Variants in BRD9 observed in about 807,000 individuals in gnomAD.
BRD9 encodes bromodomain-containing protein 9.
BRD9 carries 47 observed loss-of-function variants against 68.7 expected under a neutral mutation model. The observed-to-expected ratio is 0.68, with a 90% CI of 0.54 to 0.87. The LOEUF (loss-of-function observed/expected upper bound fraction) is 0.87. BRD9 is among the 40% of genes least tolerant of loss of function. The probability of loss-of-function intolerance (pLI) is 0.00; values close to 1 mark genes in which losing one functional copy is unlikely to be tolerated. For missense variants in BRD9, 670 were observed against 748.4 expected (o/e 0.90, Z 1.22); for synonymous variants, 313 against 293.9 (o/e 1.06, Z -0.67).
intron 8 of BRD9, chr5:881,573 C>G (rs1751766823): frequency 3.2e-6 from 1 of 310,994 alleles, no homozygotes; most frequent in African/African-American, 2.2e-5. Flanking sequence ...AAAAACCCAC[C>G]ACCCACACCC....
Position 884,174 on chromosome 5 carries a change from G to A in BRD9, c.834-104C>T, listed in dbSNP as rs1173255799. ...CCAGCTTCTACCGACCCTGCCCTCA[G>A]ACACAGAGCTGGCAGAGCATACTTA... On this transcript the variant is annotated intron_variant, in intron 7 of 15. Transcript: ENST00000467963. 2.8e-6 allele frequency: 4 copies of A among 1,443,276 alleles called. No homozygotes were observed. In the African/African-American group the frequency reaches 4.2e-5, roughly 15 times the overall value. The allele number at this position is 1,443,276 out of a possible 1,614,324, so 89.4% of individuals were successfully genotyped here.
chr5:882,488 C>G, intron 8 of BRD9: 1 of 163,024 alleles, frequency 6.1e-6, no homozygotes, highest in South Asian at 1.4e-4. Context: ...CACAACCTCC[C>G]AACACGTGAG....
At chr5:890,433 C>T (rs1172883351) in intron 3 of BRD9, among the ~76,000 whole-genome samples, 1 of 152,160 alleles carries the variant, frequency 6.6e-6, no homozygotes, top group Non-Finnish European at 1.5e-5. Flanking sequence ...GAAGAGACAC[C>T]CCTTGTCTTA....
At position 889,623 on chromosome 5, in the gene BRD9, T is replaced by C. The variant is rs767506676; in HGVS notation, c.425A>G (p.Gln142Arg). ...GCGGAGGAAGTGTTCCAGGAGTTGC[T>C]GAATAGGTGTGCTCTCATTTTCGGC... is the stretch of plus-strand genomic sequence containing the variant. ...QPAENESTPI[Q>R]QLLEHFLRQL... Residue 142 changes from glutamine (Q) to arginine (R), a missense_variant, in exon 4 of 16, where the codon CAG becomes CGG. By Grantham distance (43) the Gln-to-Arg change is conservative. This residue lies in a region of BRD9 where 94 missense variants were observed against 157.2 expected (regional missense o/e 0.60). Coordinates refer to ENST00000467963, the MANE Select transcript of BRD9 (RefSeq NM_023924.5). 5 of 1,613,712 alleles carry C rather than the reference T, an allele frequency of 3.1e-6. No individual in the cohort carries two copies. The highest frequency in any genetic ancestry group is 1.7e-5 in the Admixed American group (1 of 60,000).
At chr5:869,113 G>T (rs952335591) in intron 14 of BRD9, 2 of 297,712 alleles carry the variant, frequency 6.7e-6, no homozygotes, top group Admixed American at 1.0e-4. Context: ...AGAAGTCAGG[G>T]AAACATCTGT....
At chr5:878,099 G>A (rs554386380) in intron 11 of BRD9, among the ~76,000 whole-genome samples, 8 of 152,326 alleles carry the variant, frequency 5.3e-5, no homozygotes, top group African/African-American at 1.9e-4. Flanking sequence ...ATACGATCCA[G>A]TGTGCTCAAC....
Position 891,763 on chromosome 5 carries a change from G to A in BRD9, c.144C>T (p.Asp48=), listed in dbSNP as rs959174596. The A allele has an allele frequency of 2.6e-6, 4 of 1,551,642 alleles. No homozygotes were observed. Among genetic ancestry groups the A allele is most frequent in the Non-Finnish European group, 3.5e-6 (4 of 1,146,994 alleles). Residue 48 remains aspartate (D), a synonymous_variant, in exon 2 of 16, where the codon GAC becomes GAT. Coordinates refer to ENST00000467963, the MANE Select transcript of BRD9 (RefSeq NM_023924.5). Reference sequence around the variant, plus strand: ...CTGACCTGTCATCATAGTAACTGGAGTCGTGGCCGGATCCTGAGAGTTCAG... The same window carrying A: ...CTGACCTGTCATCATAGTAACTGGAATCGTGGCCGGATCCTGAGAGTTCAG... The part of the protein sequence containing the change: ...EVTELSGSGH[D]SSYYDDRSDH...
chr5:881,609 G>C (rs1579971335), intron 8 of BRD9: 1 of 243,360 alleles, frequency 4.1e-6, no homozygotes, highest in African/African-American at 2.3e-5. Context: ...GCCATCAGGA[G>C]GATCCAGGAA....
intron 12 of BRD9, among the ~76,000 whole-genome samples, chr5:873,591 C>G (rs73733903): frequency 2.6e-5 from 4 of 152,118 alleles, no homozygotes; most frequent in Non-Finnish European, 4.4e-5. Flanking sequence ...GATCTACCCC[C>G]GCTTTACAAG....
chr5:877,636 G>A (rs768305050), intron 11 of BRD9, among the ~76,000 whole-genome samples: 5 of 152,126 alleles, frequency 3.3e-5, no homozygotes, highest in East Asian at 3.9e-4. Context: ...AACATTCTAC[G>A]GAAAAGCAGG....
intron 3 of BRD9, 101 bp from the exon 4 acceptor site, chr5:889,748 T>C (rs371769885): frequency 1.9e-6 from 3 of 1,562,364 alleles, no homozygotes; most frequent in African/African-American, 2.7e-5. Context: ...TCTCACAGCA[T>C]TTTAAGTTCC....
At chr5:885,335 G>A (rs1465169411) in intron 7 of BRD9, among the ~76,000 whole-genome samples, 1 of 152,228 alleles carries the variant, frequency 6.6e-6, no homozygotes, top group Non-Finnish European at 1.5e-5. Context: ...CAAGGCTGCA[G>A]GACCTGAGGG....
At chr5:874,492 G>A (rs1750615055) in intron 12 of BRD9, among the ~76,000 whole-genome samples, 1 of 152,216 alleles carries the variant, frequency 6.6e-6, no homozygotes, top group Non-Finnish European at 1.5e-5. Context: ...CATGTGGCCA[G>A]TGCTTTTTTA....
At chr5:867,105 T>C (rs911076224) in intron 14 of BRD9, among the ~76,000 whole-genome samples, 9 of 152,172 alleles carry the variant, frequency 5.9e-5, no homozygotes, top group African/African-American at 1.7e-4. Flanking sequence ...GTCCCAGCCA[T>C]GGCTAAAAGG....
chr5:867,199 G>A (rs1334220068), intron 14 of BRD9, among the ~76,000 whole-genome samples: 1 of 152,266 alleles, frequency 6.6e-6, no homozygotes, highest in Non-Finnish European at 1.5e-5. Context: ...TGTTGGGTAT[G>A]TGGGTAGGCA....
chr5:868,278 C>T (rs1358012409), intron 14 of BRD9, among the ~76,000 whole-genome samples: 4 of 152,234 alleles, frequency 2.6e-5, no homozygotes, highest in African/African-American at 4.8e-5. Flanking sequence ...CTCTTTCCTT[C>T]ACCAATGACC....
Position 887,404 on chromosome 5 carries a change from A to T in BRD9, c.674T>A (p.Leu225Ter), listed in dbSNP as rs1478171130. Residue 225 changes from leucine to a stop codon, truncating the protein, a stop_gained, in exon 6 of 16, where the codon TTG becomes TAG. Coordinates refer to ENST00000467963, the MANE Select transcript of BRD9 (RefSeq NM_023924.5). LOFTEE classifies it high-confidence loss of function. ...GCCTGCGTGAAGGATCTTCTTCGCCAACTTGTAGTACACGGTATCTGGCCT... is the reference window on the plus strand; with the variant it reads ...GCCTGCGTGAAGGATCTTCTTCGCCTACTTGTAGTACACGGTATCTGGCCT... ...YNRPDTVYYK[L>*]AKKILHAGFK... 6.2e-7 allele frequency: 1 copy of T among 1,614,144 alleles called. No homozygotes were observed. Among genetic ancestry groups the T allele is most frequent in the Non-Finnish European group, 8.5e-7 (1 of 1,180,000 alleles).
intron 14 of BRD9, 62 bp from the exon 15 acceptor site, chr5:865,643 C>A (rs1749283479): frequency 3.3e-6 from 5 of 1,504,318 alleles, no homozygotes; most frequent in Non-Finnish European, 4.5e-6. Context: ...ACCCTAAGGG[C>A]AGGAGCACAC....
At position 891,274 on chromosome 5, in the gene BRD9, C is replaced by CGCTTCTTCTCTTCCTGG; in HGVS notation, c.268-4_280dup (p.Arg94ProfsTer88). On this transcript the variant is annotated frameshift_variant, in exon 3 of 16. Transcript: ENST00000467963. LOFTEE classifies it high-confidence loss of function. ...GTCACAGTGCTCCCTCTCTCGCTTC[C>CGCTTCTTCTCTTCCTGG]GCTTCTTCTCTTCCTGGGCGGCAGA... is the stretch of plus-strand genomic sequence containing the variant. The CGCTTCTTCTCTTCCTGG allele has an allele frequency of 6.4e-7, 1 of 1,551,462 alleles. No homozygotes were observed. Among genetic ancestry groups the CGCTTCTTCTCTTCCTGG allele is most frequent in the Non-Finnish European group, 8.7e-7 (1 of 1,146,822 alleles).
Sources: allele counts gnomAD v4.1 joint callset (sites outside exome capture counted in the v4.1 genomes callset), GRCh38; gene constraint gnomAD v4.1.1; regional missense constraint gnomAD v4.1.1; transcripts MANE v1.5; gene names NCBI Gene and HGNC (gene_info 2026-07-23, HGNC 2026-07-21).